The following GTF2A1L variants were observed in gnomAD, a reference collection of about 807,000 sequenced individuals.
The protein encoded by GTF2A1L is general transcription factor IIA subunit 1 like.
In GTF2A1L, 48 loss-of-function variants were observed where a neutral mutation model predicts 49.7. The observed-to-expected ratio is 0.97, with a 90% CI of 0.77 to 1.23. GTF2A1L has a LOEUF of 1.23. Ranked by LOEUF, GTF2A1L falls within the 50% of genes most tolerant of loss-of-function variation. The pLI is 0.00. For synonymous variants in GTF2A1L, 246 were observed against 193.5 expected (o/e 1.27, Z -2.25); for missense variants, 736 against 564.8 (o/e 1.30, Z -3.07).
At chr2:48,645,204 A>G (rs1677428486) in intron 5 of GTF2A1L, 87 bp downstream of exon 5, 1 of 1,175,386 alleles carries the variant, frequency 8.5e-7, no homozygotes, top group Non-Finnish European at 1.2e-6. Context: ...AATAAACTAT[A>G]TACCAGAAGT....
chr2:48,649,588 T>TGGTA (rs1677731995), intron 6 of GTF2A1L, among the ~76,000 whole-genome samples: 1 of 152,166 alleles, frequency 6.6e-6, no homozygotes, highest in South Asian at 2.1e-4. Flanking sequence ...CATGTAATTG[T>TGGTA]GGTAGGATTA....
chr2:48,632,995 G>C (rs1308122084), intron 3 of GTF2A1L: 1 of 221,948 alleles, frequency 4.5e-6, no homozygotes, highest in Non-Finnish European at 9.4e-6. Context: ...AGATGTGCTT[G>C]GTTTGTTCTA....
At chr2:48,629,277 A>G (rs1316787142) in intron 3 of GTF2A1L, among the ~76,000 whole-genome samples, 1 of 143,868 alleles carries the variant, frequency 7.0e-6, no homozygotes, top group Non-Finnish European at 1.6e-5. Flanking sequence ...CAAAGCTGGC[A>G]AGGAGGAAGT....
At chr2:48,638,109 G>A (rs1243966133) in intron 3 of GTF2A1L, among the ~76,000 whole-genome samples, 1 of 152,094 alleles carries the variant, frequency 6.6e-6, no homozygotes, top group Non-Finnish European at 1.5e-5. Context: ...ACCAAAAAAA[G>A]CCAAGGACCT....
chr2:48,619,771 G>A (rs1675874928), intron 1 of GTF2A1L, among the ~76,000 whole-genome samples: 1 of 152,144 alleles, frequency 6.6e-6, no homozygotes, highest in African/African-American at 2.4e-5. Flanking sequence ...ATGAAGGGCT[G>A]AGTTTTTTCA....
chr2:48,655,105 T>C (rs1245061669), intron 6 of GTF2A1L, among the ~76,000 whole-genome samples: 1 of 152,146 alleles, frequency 6.6e-6, no homozygotes, highest in Non-Finnish European at 1.5e-5. Context: ...GTCTTCACAA[T>C]ATTGAGTCTT....
At chr2:48,673,336 G>A (rs1294009697) in intron 8 of GTF2A1L, among the ~76,000 whole-genome samples, 4 of 146,274 alleles carry the variant, frequency 2.7e-5, no homozygotes, top group Admixed American at 6.9e-5. Flanking sequence ...TTATTTTAAC[G>A]TACATTTTAC....
At chr2:48,674,202 A>G (rs1394902619) in intron 8 of GTF2A1L, among the ~76,000 whole-genome samples, 17 of 152,140 alleles carry the variant, frequency 1.1e-4, no homozygotes, top group Non-Finnish European at 1.5e-5. Context: ...TGGCTGTACT[A>G]TTTTACATTC....
chr2:48,640,010 C>G (rs60795988), intron 3 of GTF2A1L, among the ~76,000 whole-genome samples: 52 of 152,148 alleles, frequency 3.4e-4, no homozygotes, highest in South Asian at 3.1e-3. Context: ...CCATCTCACA[C>G]CAGTCTGAAT....
At chr2:48,627,786 T>C (rs973595073) in intron 3 of GTF2A1L, among the ~76,000 whole-genome samples, 3 of 143,230 alleles carry the variant, frequency 2.1e-5, no homozygotes, top group African/African-American at 5.0e-5. Context: ...GTATATTGCA[T>C]GATTCTGAGG....
At chr2:48,648,254 C>T (rs1677648587) in intron 6 of GTF2A1L, among the ~76,000 whole-genome samples, 1 of 152,044 alleles carries the variant, frequency 6.6e-6, no homozygotes, top group East Asian at 1.9e-4. Context: ...TAACATATAA[C>T]ACTTAGTAAA....
intron 6 of GTF2A1L, among the ~76,000 whole-genome samples, chr2:48,659,647 G>A (rs1380416276): frequency 6.6e-6 from 1 of 151,798 alleles, no homozygotes; most frequent in African/African-American, 2.4e-5. Context: ...TTTTCTTTCA[G>A]CAATTTTTGT....
In GTF2A1L at chr2:48,669,894, C is replaced by A. The variant is rs1310460633; in HGVS notation, c.1151C>A (p.Pro384His). 7 of 1,613,800 alleles carry A rather than the reference C, an allele frequency of 4.3e-6. No homozygotes were observed. Among genetic ancestry groups the A allele is most frequent in the Non-Finnish European group, 5.9e-6 (7 of 1,179,982 alleles). ...ATTGACGGGGGAGATCTGAAGGTAC[C>A]TGAAGAAGAAGCTGACAGTATTTCA... ...GNIDGGDLKV[P>H]EEEADSISNE... Residue 384 changes from proline to histidine, a missense_variant, in exon 7 of 9, where the codon CCT becomes CAT. By Grantham distance (77) the Pro-to-His change is moderately conservative (BLOSUM62 -2). Transcript: ENST00000403751.
At chr2:48,643,511 G>T (rs1333846364) in intron 4 of GTF2A1L, among the ~76,000 whole-genome samples, 2 of 151,992 alleles carry the variant, frequency 1.3e-5, no homozygotes, top group African/African-American at 4.8e-5. Context: ...TTTGATAGGA[G>T]ACCAATGAAG....
At chr2:48,640,042 A>G (rs1677117040) in intron 3 of GTF2A1L, among the ~76,000 whole-genome samples, 1 of 152,200 alleles carries the variant, frequency 6.6e-6, no homozygotes, top group East Asian at 1.9e-4. Context: ...AAAAGTAAAA[A>G]ATGAACAGAT....
intron 4 of GTF2A1L, among the ~76,000 whole-genome samples, chr2:48,643,200 C>T (rs566121167): frequency 2.0e-5 from 3 of 152,048 alleles, no homozygotes; most frequent in East Asian, 1.9e-4. Context: ...TTTGTACCTT[C>T]GTGAAGTATA....
rs5830998 is a variant in GTF2A1L at position 48,677,978 on chromosome 2, GGTGTGT to G, written c.1330-1330_1330-1325del. On this transcript the variant is annotated intron_variant, in intron 8 of 8. Coordinates refer to ENST00000403751, the MANE Select transcript of GTF2A1L (RefSeq NM_006872.5). ...TGTCATAGTTGTAAACTCTGAGATG[GGTGTGT>G]GTGTGTGTGTGTGTGTGTGTGTGTG... Among the ~76,000 whole-genome samples the G allele has an allele frequency of 2.9e-3, 434 of 147,892 alleles. 2 individuals carry two copies. The highest frequency in any genetic ancestry group is 6.9e-3 in the Middle Eastern group (2 of 288).
At chr2:48,662,774 C>T (rs1210432816) in intron 6 of GTF2A1L, among the ~76,000 whole-genome samples, 2 of 151,050 alleles carry the variant, frequency 1.3e-5, no homozygotes, top group Non-Finnish European at 2.9e-5. Context: ...AGATGCGTTG[C>T]TTTTCTCTTG....
intron 6 of GTF2A1L, among the ~76,000 whole-genome samples, chr2:48,662,012 G>T (rs2104274518): frequency 6.6e-6 from 1 of 151,908 alleles, no homozygotes; most frequent in East Asian, 1.9e-4. Context: ...ATTGATTTTT[G>T]GTTTCCCTTC....
Sources: gnomAD v4.1 joint callset for allele counts (sites outside exome capture counted in the v4.1 genomes callset) on GRCh38, gnomAD v4.1.1 for gene constraint, MANE v1.5 for transcripts, NCBI Gene and HGNC (gene_info 2026-07-23, HGNC 2026-07-21) for gene names.